The following COL5A1 variants were observed in gnomAD, a reference collection of about 807,000 sequenced individuals.
The protein encoded by COL5A1 is collagen alpha-1(V) chain.
In COL5A1, 16 loss-of-function variants were observed where a neutral mutation model predicts 263.7. That is an observed-to-expected ratio of 0.06 (90% CI 0.04 to 0.09). The LOEUF (loss-of-function observed/expected upper bound fraction) is 0.09. COL5A1 is among the 10% of genes least tolerant of loss of function. COL5A1 has a pLI of 1.00. For missense variants in COL5A1, 2,036 were observed against 2,540.5 expected (o/e 0.80, Z 4.27); for synonymous variants, 1,012 against 1,004.5 (o/e 1.01, Z -0.14).
At position 134,801,998 on chromosome 9, in the gene COL5A1, C is replaced by T. The variant is rs201897490; in HGVS notation, c.2997C>T (p.Val999=). Residue 999 remains valine (V), a synonymous_variant, in exon 38 of 66, where the codon GTC becomes GTT. Transcript: ENST00000371817. ...GCCCTCCAGGCCCCCCCGGCGTGGT[C>T]GGCCCTCAGGTAAGCTCCAGCCTTC... is the stretch of plus-strand genomic sequence containing the variant. ...KTGPPGPPGV[V]GPQGPTGETG... 7.0e-5 allele frequency: 113 copies of T among 1,613,334 alleles called. 1 individual carries two copies. In the East Asian group the frequency reaches 1.3e-3, roughly 18 times the overall value.
intron 11 of COL5A1, among the ~76,000 whole-genome samples, chr9:134,746,920 G>A (rs1042776994): frequency 6.6e-6 from 1 of 152,218 alleles, no homozygotes; most frequent in Non-Finnish European, 1.5e-5. Flanking sequence ...CAGCCACATC[G>A]CTGGCCCGTG....
chr9:134,805,120 C>T (rs745548837), intron 40 of COL5A1, 41 bp from the exon 41 acceptor site: 10 of 1,613,752 alleles, frequency 6.2e-6, no homozygotes, highest in Non-Finnish European at 8.5e-6. Flanking sequence ...CTGGAGGCCT[C>T]TCCCCACGTG....
chr9:134,760,253 C>T (rs1204002074), intron 18 of COL5A1, among the ~76,000 whole-genome samples: 7 of 136,032 alleles, frequency 5.1e-5, no homozygotes, highest in Non-Finnish European at 9.5e-5. Context: ...CACACCCACA[C>T]ACCCCACACT....
chr9:134,741,594 C>T lies in COL5A1; in HGVS notation c.1494+2786C>T, dbSNP rs1167929583. Among the ~76,000 whole-genome samples, 1 of 151,334 alleles carries T rather than the reference C, an allele frequency of 6.6e-6. No homozygotes were observed. The highest frequency in any genetic ancestry group is 1.5e-5 in the Non-Finnish European group (1 of 67,924). On this transcript the variant is annotated intron_variant, in intron 11 of 65. Transcript: ENST00000371817. This position sits in a 1 kb window ranked among gnomAD's most constrained non-coding sequence, Gnocchi z 4.5. ...AAGGGGCGCTCTCCAAATCCTGGTA[C>T]AGAAGCAGAGGCAGGAGGGTGGGGT...
chr9:134,679,189 C>T (rs539254544), intron 1 of COL5A1, among the ~76,000 whole-genome samples: 1 of 152,138 alleles, frequency 6.6e-6, no homozygotes, highest in Non-Finnish European at 1.5e-5. Flanking sequence ...GAGCAGTCTC[C>T]GAGGCCCTAA....
intron 4 of COL5A1, among the ~76,000 whole-genome samples, chr9:134,710,069 C>T (rs1444798622): frequency 6.6e-6 from 1 of 152,218 alleles, no homozygotes; most frequent in African/African-American, 2.4e-5. Context: ...TCTGAGGGAG[C>T]CGCAGTCAAG....
chr9:134,813,330 CAG>C (rs1298737348), intron 48 of COL5A1, among the ~76,000 whole-genome samples: 2 of 152,198 alleles, frequency 1.3e-5, no homozygotes, highest in South Asian at 2.1e-4. Context: ...AGAGGGAAGA[CAG>C]AGTGTACATC....
rs779638584 is a variant in COL5A1, at chr9:134,812,613, G to A, written c.3753G>A (p.Pro1251=). 9 of 1,605,484 alleles carry A rather than the reference G, an allele frequency of 5.6e-6. No homozygotes were observed. The East Asian group carries it at 6.7e-5, about 12-fold the overall frequency. ...ETGDVGQMGP[P]GPPGPRGPSG... ...TCTCTCCCTTTTCCTAGGGCCCCCC[G>A]GGTCCCCCTGGCCCCCGAGGACCCT... The change falls in exon 48 of 66, where the codon CCG becomes CCA. Residue 1251 remains proline, a synonymous_variant. Coordinates refer to ENST00000371817, the MANE Select transcript of COL5A1 (RefSeq NM_000093.5).
Position 134,783,033 on chromosome 9 carries a change from CAG to C in COL5A1, c.2484+316_2484+317del, listed in dbSNP as rs371271856. The stretch of plus-strand genomic sequence containing the variant: ...CACTTCTGACTGCACCTGTGGACTG[CAG>C]AGTTACTCACCTGACTCAAGAGGGA... On this transcript the variant is annotated intron_variant, in intron 29 of 65. Coordinates refer to ENST00000371817, the MANE Select transcript of COL5A1 (RefSeq NM_000093.5). Among the ~76,000 whole-genome samples, 6 of 152,336 alleles carry C rather than the reference CAG, an allele frequency of 3.9e-5. No homozygotes were observed. In the East Asian group the frequency reaches 7.7e-4, roughly 20 times the overall value.
chr9:134,792,724 G>C (rs1341705402), intron 32 of COL5A1, among the ~76,000 whole-genome samples: 1 of 152,102 alleles, frequency 6.6e-6, no homozygotes, highest in East Asian at 1.9e-4. Flanking sequence ...CTAGGTGCTA[G>C]GATGCCAGGC....
At chr9:134,834,660 C>G (rs891927654) in intron 64 of COL5A1, among the ~76,000 whole-genome samples, 16 of 152,164 alleles carry the variant, frequency 1.1e-4, no homozygotes, top group African/African-American at 3.9e-4. Flanking sequence ...GGTGCAGGAG[C>G]ATCTATTCTG....
intron 4 of COL5A1, among the ~76,000 whole-genome samples, chr9:134,722,876 G>T (rs926821694): frequency 6.6e-6 from 1 of 152,106 alleles, no homozygotes. Context: ...TGGCCTCAGC[G>T]GGTGGAGAGT....
At chr9:134,683,933 G>C (rs976442323) in intron 1 of COL5A1, among the ~76,000 whole-genome samples, 10 of 152,226 alleles carry the variant, frequency 6.6e-5, no homozygotes, top group African/African-American at 2.2e-4. Context: ...CCTCGAGGCT[G>C]GCAGGATGGT....
At position 134,800,867 on chromosome 9, in the gene COL5A1, A is replaced by G. The variant is rs532635155; in HGVS notation, c.2953-1087A>G. The stretch of plus-strand genomic sequence containing the variant: ...CAGTGAGTCAGTGAGCCCAGGCCTG[A>G]GGCCGCTCACCCTCCAGCCCTAGCT... On this transcript the variant is annotated intron_variant, in intron 37 of 65. Coordinates refer to ENST00000371817, the MANE Select transcript of COL5A1 (RefSeq NM_000093.5). Among the ~76,000 whole-genome samples the G allele has an allele frequency of 6.6e-4, 100 of 151,290 alleles. 1 individual carries two copies. The highest frequency in any genetic ancestry group is 2.3e-3 in the African/African-American group (96 of 41,224).
At position 134,785,011 on chromosome 9, in the gene COL5A1, C is replaced by G. The variant is rs1415276388; in HGVS notation, c.2507C>G (p.Pro836Arg). 6.2e-7 allele frequency: 1 copy of G among 1,613,340 alleles called. No individual in the cohort carries two copies. Among genetic ancestry groups the G allele is most frequent in the Non-Finnish European group, 8.5e-7 (1 of 1,179,992 alleles). Residue 836 changes from proline to arginine, a missense_variant, in exon 30 of 66, where the codon CCC becomes CGC. Pro to Arg is a moderately radical substitution (Grantham distance 103). Around this residue, in one of 3 missense-constraint regions of COL5A1, gnomAD observed 1,078 missense variants for 1,521.4 expected, o/e 0.71. Transcript: ENST00000371817. The part of the protein sequence containing the change: ...GDRGEIGPPG[P>R]RGEDGPEGPK... ...CAGGGGGAGATCGGCCCACCCGGTC[C>G]CAGGGGAGAAGATGGCCCTGAAGGC...
intron 11 of COL5A1, among the ~76,000 whole-genome samples, chr9:134,746,054 C>G (rs910696402): frequency 2.0e-5 from 3 of 152,184 alleles, no homozygotes; most frequent in African/African-American, 7.2e-5. Flanking sequence ...CCTCAAAGAC[C>G]CCAAGTAAGG....
chr9:134,690,794 AGTG>A, intron 1 of COL5A1, 115 bp from the exon 2 acceptor site: 3 of 1,266,808 alleles, frequency 2.4e-6, no homozygotes, highest in Non-Finnish European at 3.4e-6. Context: ...GGCTCTTCTG[AGTG>A]CCCAGGATTC....
Position 134,820,243 on chromosome 9 carries a change from T to G in COL5A1, c.4554+20T>G. The stretch of plus-strand genomic sequence containing the variant: ...GAACAGGTGCGTGAGATGGCACTTC[T>G]TGCATGTGGGCTGTCGAGAGGCATT... On this transcript the variant is annotated intron_variant, in intron 58 of 65. Coordinates refer to ENST00000371817, the MANE Select transcript of COL5A1 (RefSeq NM_000093.5). 2.5e-6 allele frequency: 4 copies of G among 1,589,732 alleles called. No individual in the cohort carries two copies. The South Asian group carries it at 3.3e-5, about 13-fold the overall frequency.
intron 4 of COL5A1, among the ~76,000 whole-genome samples, chr9:134,706,862 G>A (rs905060432): frequency 9.2e-5 from 14 of 152,232 alleles, no homozygotes; most frequent in Admixed American, 5.2e-4. Context: ...GTTAGCAAGG[G>A]CAGAGGGCCC....
Sources: allele counts gnomAD v4.1 joint callset (sites outside exome capture counted in the v4.1 genomes callset), GRCh38; gene constraint gnomAD v4.1.1; regional missense constraint gnomAD v4.1.1; non-coding constraint Gnocchi (gnomAD v3.1); transcripts MANE v1.5; gene names NCBI Gene and HGNC (gene_info 2026-07-23, HGNC 2026-07-21).